Variants in PDE11A observed in about 807,000 individuals in gnomAD.
PDE11A encodes dual 3',5'-cyclic-AMP and -GMP phosphodiesterase 11A.
In PDE11A, 100 loss-of-function variants were observed where a neutral mutation model predicts 100.5. The observed-to-expected ratio is 1.00, with a 90% CI of 0.85 to 1.18. PDE11A has a LOEUF of 1.18. Ranked by LOEUF, PDE11A falls within the 50% of genes most tolerant of loss-of-function variation. PDE11A has a pLI of 0.00. For missense variants in PDE11A, 1,141 were observed against 1,152.6 expected, an observed-to-expected ratio of 0.99 and a Z score of 0.15; for synonymous variants, 381 against 420.8, an observed-to-expected ratio of 0.91 and a Z score of 1.16.
chr2:177,701,654 A>G (rs1220422092), intron 13 of PDE11A, among the ~76,000 whole-genome samples: 1 of 152,260 alleles, frequency 6.6e-6, no homozygotes, highest in African/African-American at 2.4e-5. Context: ...GGGAAGCTTC[A>G]TGAACTAAAC....
rs772048606 is a variant in PDE11A at position 178,014,397 on chromosome 2, T to G, written c.976A>C (p.Met326Leu). 1 of 1,611,938 alleles carries G rather than the reference T, an allele frequency of 6.2e-7. No individual in the cohort carries two copies. Among genetic ancestry groups the G allele is most frequent in the Non-Finnish European group, 8.5e-7 (1 of 1,178,016 alleles). The change falls in exon 2 of 20, where the codon ATG (methionine) becomes CTG (leucine). Residue 326 changes from methionine to leucine, a missense_variant. By Grantham distance (15) the Met-to-Leu change is conservative. Coordinates refer to ENST00000286063, the MANE Select transcript of PDE11A (RefSeq NM_016953.4). ...TCACCATCACTGCTTCGGATAGGCA[T>G]GCACAATAATGATTTTGTCTTGTAT... ...TGYKTKSLLC[M>L]PIRSSDGEII...
At chr2:178,021,875 G>A (rs2086417780) in intron 1 of PDE11A, among the ~76,000 whole-genome samples, 1 of 152,210 alleles carries the variant, frequency 6.6e-6, no homozygotes, top group African/African-American at 2.4e-5. Context: ...ATAAACGCTG[G>A]TTAATTTGAG....
Position 178,071,537 on chromosome 2 carries a change from C to T in PDE11A, c.901G>A (p.Asp301Asn). The change falls in exon 1 of 20, where the codon GAT becomes AAT. Residue 301 changes from aspartate to asparagine, a missense_variant. Asp to Asn is a conservative substitution (Grantham distance 23). Transcript: ENST00000286063. ...ATGCAAAGTCCTACCTGGTAGGCATCAGGAATGTTGACCGTTTCTCCATGC... is the reference window on the plus strand; with the variant it reads ...ATGCAAAGTCCTACCTGGTAGGCATTAGGAATGTTGACCGTTTCTCCATGC... ...GEHGETVNIPDAYQDRRFNDE... is the reference protein window; with the variant it reads ...GEHGETVNIPNAYQDRRFNDE... 1 of 1,612,650 alleles carries T rather than the reference C, an allele frequency of 6.2e-7. No individual in the cohort carries two copies. Among genetic ancestry groups the T allele is most frequent in the South Asian group, 1.1e-5 (1 of 91,022 alleles).
At chr2:178,082,154 C>A (rs2087292615) in intron 2 of PDE11A, among the ~76,000 whole-genome samples, 1 of 152,134 alleles carries the variant, frequency 6.6e-6, no homozygotes. Context: ...AAATGTGAAT[C>A]ATTAATAGAA....
chr2:177,960,406 A>G (rs1318885158), intron 2 of PDE11A, among the ~76,000 whole-genome samples: 1 of 152,134 alleles, frequency 6.6e-6, no homozygotes, highest in African/African-American at 2.4e-5. Flanking sequence ...TAGAATTAAT[A>G]ATGGTTTTCA....
intron 2 of PDE11A, among the ~76,000 whole-genome samples, chr2:177,982,318 C>T (rs2085893037): frequency 6.6e-6 from 1 of 150,730 alleles, no homozygotes; most frequent in Admixed American, 6.6e-5. Flanking sequence ...AAACACTACA[C>T]ATTAATTTCT....
At position 178,071,591 on chromosome 2, in the gene PDE11A, C is replaced by T. The variant is rs779270620; in HGVS notation, c.847G>A (p.Gly283Ser). 9 of 1,613,810 alleles carry T rather than the reference C, an allele frequency of 5.6e-6. No individual in the cohort carries two copies. In the South Asian group the frequency reaches 8.8e-5, roughly 16 times the overall value. The change falls in exon 1 of 20, where the codon GGC becomes AGC. Residue 283 changes from glycine (G) to serine (S), a missense_variant. By Grantham distance (56) the Gly-to-Ser change is moderately conservative (BLOSUM62 0). Transcript: ENST00000286063. ...CCGACATAGCCAATGATACCTTTGC[C>T]CCAGGGGACCTGCACCTCATTTGAG... is the stretch of plus-strand genomic sequence containing the variant. ...ENSNEVQVPW[G>S]KGIIGYVGEH... is the part of the protein sequence containing the mutation.
intron 4 of PDE11A, chr2:177,888,891 C>G (rs1267983011): frequency 1.3e-5 from 2 of 152,230 alleles, no homozygotes; most frequent in Non-Finnish European, 2.9e-5. Flanking sequence ...ACATGGGGAA[C>G]CAGCACCATT....
rs530843842 is a variant in PDE11A at position 177,659,483 on chromosome 2, A to C, written c.2646+4383T>G. On this transcript the variant is annotated intron_variant, in intron 19 of 19. Transcript: ENST00000286063. Reference sequence around the variant, plus strand: ...CCTTTTGCATTATCTGTGAGAAAATATCCACTCCAAAATCAAAAGCCAGTT... The same window carrying C: ...CCTTTTGCATTATCTGTGAGAAAATCTCCACTCCAAAATCAAAAGCCAGTT... 1.2e-4 allele frequency among the ~76,000 whole-genome samples: 18 copies of C among 152,272 alleles called. No individual in the cohort carries two copies. The East Asian group carries it at 3.5e-3, about 29-fold the overall frequency.
intron 10 of PDE11A, among the ~76,000 whole-genome samples, chr2:177,729,815 C>T (rs2081654576): frequency 6.6e-6 from 1 of 152,054 alleles, no homozygotes; most frequent in Non-Finnish European, 1.5e-5. Context: ...TATTTTCATT[C>T]ATTATCCTAG....
chr2:177,893,302 TATTG>T (rs371371847), intron 4 of PDE11A, among the ~76,000 whole-genome samples: 3 of 152,190 alleles, frequency 2.0e-5, no homozygotes, highest in East Asian at 1.9e-4. Context: ...TTCATCTATT[TATTG>T]ATTGATTGAT....
At chr2:177,872,354 C>T (rs946760184) in intron 5 of PDE11A, among the ~76,000 whole-genome samples, 2 of 152,084 alleles carry the variant, frequency 1.3e-5, no homozygotes, top group Non-Finnish European at 2.9e-5. Context: ...AGAGGTGTTG[C>T]CAGTGATACC....
intron 2 of PDE11A, among the ~76,000 whole-genome samples, chr2:177,996,565 T>C (rs142841688): frequency 1.7e-3 from 252 of 151,982 alleles, no homozygotes; most frequent in Middle Eastern, 3.4e-3. Flanking sequence ...GGGTCCGTAT[T>C]CAAAAGTTTG....
intron 2 of PDE11A, among the ~76,000 whole-genome samples, chr2:177,916,927 A>ATTTTTTTTTTTTTTTTTTTTTT: frequency 9.5e-6 from 1 of 105,312 alleles, no homozygotes. Flanking sequence ...CGCCCGGCTA[A>ATTTTTTTTTTTTTTTTTTTTTT]TTTTTTTTTT....
rs115388541 is a variant in PDE11A at position 178,030,094 on chromosome 2, A to G, written c.913-15634T>C. ...TGTTATAGCAGCACAAAACTGACTAAGACAAAAATTAACAAAGTTCAAAAA... is the reference window on the plus strand; with the variant it reads ...TGTTATAGCAGCACAAAACTGACTAGGACAAAAATTAACAAAGTTCAAAAA... On this transcript the variant is annotated intron_variant, in intron 1 of 19. Coordinates refer to ENST00000286063, the MANE Select transcript of PDE11A (RefSeq NM_016953.4). Among the ~76,000 whole-genome samples, 202 of 152,302 alleles carry G rather than the reference A, an allele frequency of 1.3e-3. 1 individual carries two copies. The highest frequency in any genetic ancestry group is 4.3e-3 in the African/African-American group (178 of 41,558).
chr2:178,023,578 G>GTTTA (rs2086440722), intron 1 of PDE11A, among the ~76,000 whole-genome samples: 1 of 152,134 alleles, frequency 6.6e-6, no homozygotes, highest in African/African-American at 2.4e-5. Flanking sequence ...CTTGACCAAT[G>GTTTA]TTTAATCTAC....
intron 2 of PDE11A, among the ~76,000 whole-genome samples, chr2:177,934,506 G>T (rs1445575111): frequency 6.6e-6 from 1 of 152,204 alleles, no homozygotes; most frequent in Non-Finnish European, 1.5e-5. Context: ...CCAGGCTGTG[G>T]AAAAAGGAGA....
rs748029246 is a variant in PDE11A, at chr2:177,817,824, T to C, written c.1644+34A>G. ...CAAGCTGCAACCAGGGGACTATTGA[T>C]GACTCCACTTGGTTTATAAATTTAT... is the stretch of plus-strand genomic sequence containing the variant. On this transcript the variant is annotated intron_variant, in intron 8 of 19. Transcript: ENST00000286063. 1.4e-5 allele frequency: 11 copies of C among 783,860 alleles called. No individual in the cohort carries two copies. The Admixed American group carries it at 2.2e-4, about 16-fold the overall frequency. 48.6% of individuals were successfully genotyped at this position (783,860 alleles called of 1,614,324 possible).
At chr2:178,055,406 A>G (rs1037064653) in intron 1 of PDE11A, among the ~76,000 whole-genome samples, 24 of 152,310 alleles carry the variant, frequency 1.6e-4, no homozygotes, top group African/African-American at 4.6e-4. Flanking sequence ...TAAATGACGA[A>G]TTAACGGGTG....
Sources: allele counts gnomAD v4.1 joint callset (sites outside exome capture counted in the v4.1 genomes callset), GRCh38; gene constraint gnomAD v4.1.1; transcripts MANE v1.5; gene names NCBI Gene and HGNC (gene_info 2026-07-23, HGNC 2026-07-21).